Variants in GMCL1 observed in about 807,000 individuals in gnomAD.
GMCL1 encodes germ cell-less 1, spermatogenesis associated.
A neutral mutation model predicts 75.5 loss-of-function variants in GMCL1; 54 were observed. The observed-to-expected ratio is 0.71, with a 90% CI of 0.57 to 0.90. The LOEUF is 0.90. Ranked by LOEUF, GMCL1 falls within the 40% of genes least tolerant of loss-of-function variation. The pLI, the probability that GMCL1 is intolerant of heterozygous loss-of-function variation, is 0.00. For synonymous variants in GMCL1, 210 were observed against 209.6 expected, an observed-to-expected ratio of 1.00 and a Z score of -0.02; for missense variants, 537 against 622.7, an observed-to-expected ratio of 0.86 and a Z score of 1.47.
intron 11 of GMCL1, among the ~76,000 whole-genome samples, chr2:69,868,226 C>T (rs1453800113): frequency 2.0e-5 from 3 of 146,988 alleles, no homozygotes; most frequent in African/African-American, 7.4e-5. Flanking sequence ...ATAACGAGAC[C>T]CTGTCTCTTT....
intron 13 of GMCL1, among the ~76,000 whole-genome samples, chr2:69,874,214 G>C (rs2104062663): frequency 6.6e-6 from 1 of 152,050 alleles, no homozygotes; most frequent in Admixed American, 6.5e-5. Flanking sequence ...ATTTTCTAAT[G>C]GCCAAATTGC....
At chr2:69,859,742 T>TTAAAAAAAAAAAAAAAAA (rs1553372489) in intron 9 of GMCL1, among the ~76,000 whole-genome samples, 8 of 79,134 alleles carry the variant, frequency 1.0e-4, no homozygotes, top group Non-Finnish European at 1.6e-4. Flanking sequence ...TCTCTCTCTC[T>TTAAAAAAAAAAAAAAAAA]AAAAAAAAAA....
chr2:69,873,343 C>T (rs1452096531), intron 13 of GMCL1, among the ~76,000 whole-genome samples: 4 of 151,920 alleles, frequency 2.6e-5, no homozygotes, highest in South Asian at 2.1e-4. Context: ...GAGTTGTCTC[C>T]GTGTTTTATA....
At position 69,854,970 on chromosome 2, in the gene GMCL1, C is replaced by A; in HGVS notation, c.1072+10C>A. On this transcript the variant is annotated intron_variant, in intron 9 of 13. Transcript: ENST00000282570. ...GCTGTAGTACCTTCAGGTAAGAGAA[C>A]ATAATTTGTAATTTTAAGTAATATA... 6.4e-7 allele frequency: 1 copy of A among 1,571,166 alleles called. No individual in the cohort carries two copies. Among genetic ancestry groups the A allele is most frequent in the Non-Finnish European group, 8.6e-7 (1 of 1,156,382 alleles).
intron 10 of GMCL1, among the ~76,000 whole-genome samples, chr2:69,861,741 TTAATG>T (rs1675654015): frequency 6.6e-6 from 1 of 152,210 alleles, no homozygotes; most frequent in African/African-American, 2.4e-5. Flanking sequence ...CAAATTCTGA[TTAATG>T]TAATAAATAG....
chr2:69,869,938 C>A, intron 12 of GMCL1, 74 bp downstream of exon 12: 1 of 1,455,362 alleles, frequency 6.9e-7, no homozygotes, highest in Non-Finnish European at 9.4e-7. Context: ...TGATAATTTA[C>A]ACCAACATTA....
At chr2:69,835,859 TG>T (rs1215152359) in intron 1 of GMCL1, among the ~76,000 whole-genome samples, 1 of 152,188 alleles carries the variant, frequency 6.6e-6, no homozygotes, top group African/African-American at 2.4e-5. Context: ...ACACACGGTT[TG>T]GGAACCATGA....
At position 69,879,718 on chromosome 2, in the gene GMCL1, T is replaced by C. The variant is rs1168099934; in HGVS notation, c.*714T>C. Reference sequence around the variant, plus strand: ...TTAGCTTTGCACCTTCAAATGATCTTGAATGAGGGAAAAATCAGTTTGATT... The same window carrying C: ...TTAGCTTTGCACCTTCAAATGATCTCGAATGAGGGAAAAATCAGTTTGATT... On this transcript the variant is annotated 3_prime_UTR_variant, in exon 14 of 14. Transcript: ENST00000282570. 6.6e-6 allele frequency: 1 copy of C among 152,232 alleles called. No homozygotes were observed. The highest frequency in any genetic ancestry group is 2.4e-5 in the African/African-American group (1 of 41,458). 9.4% of individuals were successfully genotyped at this position (152,232 alleles called of 1,614,324 possible). A position where few individuals can be genotyped will look rare whatever the true frequency, so the allele number is the denominator to read the frequency against.
intron 11 of GMCL1, among the ~76,000 whole-genome samples, chr2:69,867,851 C>T (rs1040894607): frequency 2.0e-5 from 3 of 152,168 alleles, no homozygotes; most frequent in African/African-American, 7.2e-5. Flanking sequence ...AATTGATCCT[C>T]CCATTAGCTG....
intron 2 of GMCL1, 68 bp from the exon 3 acceptor site, chr2:69,839,389 G>A: frequency 1.1e-6 from 1 of 943,784 alleles, no homozygotes; most frequent in Non-Finnish European, 1.7e-6. Flanking sequence ...CTTAGAATTA[G>A]AAATGGGCAA....
intron 2 of GMCL1, 48 bp downstream of exon 2, chr2:69,837,718 A>C: frequency 6.4e-7 from 1 of 1,564,500 alleles, no homozygotes; most frequent in Non-Finnish European, 8.6e-7. Context: ...TGAAACTCTT[A>C]AGTCATGTTC....
intron 13 of GMCL1, among the ~76,000 whole-genome samples, chr2:69,874,819 G>A (rs988174508): frequency 6.6e-6 from 1 of 150,710 alleles, no homozygotes; most frequent in African/African-American, 2.4e-5. Flanking sequence ...TTGGCTCACT[G>A]CAGCTTCCAC....
At chr2:69,860,538 GT>G (rs1435410089) in intron 9 of GMCL1, among the ~76,000 whole-genome samples, 5 of 151,762 alleles carry the variant, frequency 3.3e-5, no homozygotes, top group African/African-American at 7.3e-5. Flanking sequence ...CCAATTAATT[GT>G]TTTTTTATGT....
chr2:69,838,502 A>G (rs954892982), intron 2 of GMCL1, among the ~76,000 whole-genome samples: 3 of 152,072 alleles, frequency 2.0e-5, no homozygotes, highest in East Asian at 3.8e-4. Flanking sequence ...TGGAACTTAC[A>G]TTTTTCCTCT....
At chr2:69,838,949 A>T (rs1282433457) in intron 2 of GMCL1, among the ~76,000 whole-genome samples, 2 of 152,200 alleles carry the variant, frequency 1.3e-5, no homozygotes, top group Admixed American at 1.3e-4. Context: ...TTTCAAAGTA[A>T]TTCTAATTAT....
chr2:69,863,506 T>G (rs1675717161), intron 10 of GMCL1, among the ~76,000 whole-genome samples: 1 of 152,218 alleles, frequency 6.6e-6, no homozygotes, highest in South Asian at 2.1e-4. Flanking sequence ...AAAACAGAAA[T>G]AAAACTGTGT....
intron 8 of GMCL1, among the ~76,000 whole-genome samples, chr2:69,853,166 A>G (rs1675368550): frequency 6.6e-6 from 1 of 152,230 alleles, no homozygotes; most frequent in African/African-American, 2.4e-5. Context: ...TTCATGTGAC[A>G]GAACACTTGT....
At chr2:69,852,815 AG>A (rs1420571710) in intron 8 of GMCL1, among the ~76,000 whole-genome samples, 1 of 152,210 alleles carries the variant, frequency 6.6e-6, no homozygotes, top group Non-Finnish European at 1.5e-5. Context: ...CTAGGATTAC[AG>A]GCATGAGCCA....
intron 7 of GMCL1, among the ~76,000 whole-genome samples, chr2:69,848,414 A>G (rs1195165824): frequency 6.6e-6 from 1 of 152,232 alleles, no homozygotes; most frequent in Non-Finnish European, 1.5e-5. Context: ...CTTTTAAAAA[A>G]TTGGTGCAGA....
Sources: allele counts gnomAD v4.1 joint callset (sites outside exome capture counted in the v4.1 genomes callset), GRCh38; gene constraint gnomAD v4.1.1; transcripts MANE v1.5; gene names NCBI Gene and HGNC (gene_info 2026-07-23, HGNC 2026-07-21).